The following FOXJ3 variants were observed in gnomAD, a reference collection of about 807,000 sequenced individuals.
FOXJ3 encodes the protein forkhead box J3.
A neutral mutation model predicts 76.1 loss-of-function variants in FOXJ3; 22 were observed. The ratio of observed to expected loss-of-function variants is 0.29; its 90% CI spans 0.21 to 0.41. The LOEUF (loss-of-function observed/expected upper bound fraction) is 0.41. Ranked by LOEUF, FOXJ3 falls within the 10% of genes least tolerant of loss-of-function variation. The pLI is 1.00. For missense variants in FOXJ3, 613 were observed against 762.1 expected, an observed-to-expected ratio of 0.80 and a Z score of 2.30; for synonymous variants, 269 against 261.2, an observed-to-expected ratio of 1.03 and a Z score of -0.29.
At chr1:42,314,591 A>G (rs1655001069) in intron 1 of FOXJ3, among the ~76,000 whole-genome samples, 1 of 152,156 alleles carries the variant, frequency 6.6e-6, no homozygotes, top group Admixed American at 6.5e-5. Flanking sequence ...AGGATTCTAC[A>G]AGGCAATGAT....
chr1:42,299,367 CT>C (rs34855114), intron 2 of FOXJ3, among the ~76,000 whole-genome samples: 62 of 144,810 alleles, frequency 4.3e-4, no homozygotes, highest in African/African-American at 8.4e-4. Flanking sequence ...TAATGCTCAT[CT>C]TTTTTTTTTT....
intron 5 of FOXJ3, among the ~76,000 whole-genome samples, chr1:42,209,454 A>G (rs1460216222): frequency 6.6e-6 from 1 of 152,226 alleles, no homozygotes; most frequent in Non-Finnish European, 1.5e-5. Flanking sequence ...ACCTTTTGAA[A>G]TAAGTGGCGG....
rs114594112 is a variant in FOXJ3 at position 42,191,322 on chromosome 1, T to C, written c.1332A>G (p.Gln444=). 1.3e-6 allele frequency: 2 copies of C among 1,545,250 alleles called. No individual in the cohort carries two copies. The highest frequency in any genetic ancestry group is 1.8e-6 in the Non-Finnish European group (2 of 1,140,874). Residue 444 remains glutamine (Q), a synonymous_variant, in exon 9 of 13, where the codon CAA becomes CAG. Coordinates refer to ENST00000361346, the MANE Select transcript of FOXJ3 (RefSeq NM_014947.5). ...TLTHQAPPPP[Q]QVSCNSGVSN... ...ACTTACCAGAATTACAGGATACCTG[T>C]TGTGGGGGTGGGGGTGCCTGATGTG... is the stretch of plus-strand genomic sequence containing the variant.
chr1:42,189,484 A>T (rs1452112001), intron 9 of FOXJ3, 80 bp from the exon 10 acceptor site: 1 of 977,360 alleles, frequency 1.0e-6, no homozygotes, highest in Non-Finnish European at 1.6e-6. Context: ...AGCTGCCCTT[A>T]TTCCTGAAAT....
intron 3 of FOXJ3, among the ~76,000 whole-genome samples, chr1:42,275,647 GA>G (rs886675040): frequency 5.3e-5 from 8 of 152,048 alleles, no homozygotes; most frequent in Non-Finnish European, 1.0e-4. Context: ...GGCTGACAGA[GA>G]AAACAAGACT....
intron 4 of FOXJ3, among the ~76,000 whole-genome samples, chr1:42,253,615 GAT>G (rs1650302635): frequency 6.6e-6 from 1 of 151,886 alleles, no homozygotes; most frequent in South Asian, 2.1e-4. Context: ...CCAAAACAGA[GAT>G]ATAGATCAAT....
chr1:42,224,756 T>G (rs1338761796), intron 5 of FOXJ3, among the ~76,000 whole-genome samples: 1 of 152,170 alleles, frequency 6.6e-6, no homozygotes, highest in African/African-American at 2.4e-5. Context: ...ATGCTCTTGC[T>G]TGCATTTTTT....
intron 5 of FOXJ3, among the ~76,000 whole-genome samples, chr1:42,208,351 G>T (rs1646899965): frequency 6.6e-6 from 1 of 152,148 alleles, no homozygotes; most frequent in South Asian, 2.1e-4. Context: ...GATCAAGTGG[G>T]ATTTATCCCT....
In FOXJ3 at chr1:42,185,889, C is replaced by T. The variant is rs184388480; in HGVS notation, c.1645+2848G>A. Among the ~76,000 whole-genome samples, 575 of 152,134 alleles carry T rather than the reference C, an allele frequency of 3.8e-3. 11 individuals are homozygous for T. Among genetic ancestry groups the T allele is most frequent in the African/African-American group, 0.013 (553 of 41,458 alleles). On this transcript the variant is annotated intron_variant, in intron 11 of 12. Coordinates refer to ENST00000361346, the MANE Select transcript of FOXJ3 (RefSeq NM_014947.5). Reference sequence around the variant, plus strand: ...TACAGGAAGCTCATGGAGGTGTTTACCAAGCGGGTCCTTGAAGACAGGAAT... The same window carrying T: ...TACAGGAAGCTCATGGAGGTGTTTATCAAGCGGGTCCTTGAAGACAGGAAT...
chr1:42,334,424 G>C (rs1429893998), intron 1 of FOXJ3, among the ~76,000 whole-genome samples: 1 of 152,154 alleles, frequency 6.6e-6, no homozygotes, highest in African/African-American at 2.4e-5. Flanking sequence ...CTGGGAGGGG[G>C]GGCGGGAGAC....
intron 4 of FOXJ3, among the ~76,000 whole-genome samples, chr1:42,262,674 C>G (rs1226502245): frequency 6.6e-6 from 1 of 152,054 alleles, no homozygotes; most frequent in African/African-American, 2.4e-5. Context: ...GATGGTGAAA[C>G]CCCATCTCTA....
chr1:42,295,688 C>CT (rs1306620608), intron 2 of FOXJ3, among the ~76,000 whole-genome samples: 4 of 151,960 alleles, frequency 2.6e-5, no homozygotes, highest in African/African-American at 9.7e-5. Flanking sequence ...ACCACCTTGT[C>CT]TGAGTGATTT....
In FOXJ3 at chr1:42,179,638, G is replaced by T; in HGVS notation, c.*72C>A. On this transcript the variant is annotated 3_prime_UTR_variant, in exon 13 of 13. Coordinates refer to ENST00000361346, the MANE Select transcript of FOXJ3 (RefSeq NM_014947.5). ...ATTAGCAAGTTTGTTTTCTCAACTG[G>T]ATTCTCTTAAACCTTTCCCTTCACT... is the stretch of plus-strand genomic sequence containing the variant. The T allele has an allele frequency of 3.4e-6, 3 of 888,338 alleles. No homozygotes were observed. The allele number at this position is 888,338 out of a possible 1,614,324, so 55.0% of individuals were successfully genotyped here.
intron 4 of FOXJ3, among the ~76,000 whole-genome samples, chr1:42,251,867 C>A (rs1028988860): frequency 5.3e-5 from 8 of 151,702 alleles, no homozygotes; most frequent in Non-Finnish European, 1.0e-4. Context: ...TACAGGCGCG[C>A]GCCACCATGC....
At chr1:42,229,747 A>C (rs1647908949) in intron 4 of FOXJ3, among the ~76,000 whole-genome samples, 1 of 152,232 alleles carries the variant, frequency 6.6e-6, no homozygotes, top group Non-Finnish European at 1.5e-5. Context: ...GATTTTGGGA[A>C]TAGGTTTGGC....
At chr1:42,314,595 C>A (rs1322577344) in intron 1 of FOXJ3, among the ~76,000 whole-genome samples, 1 of 152,156 alleles carries the variant, frequency 6.6e-6, no homozygotes, top group Non-Finnish European at 1.5e-5. Flanking sequence ...TTCTACAAGG[C>A]AATGATCTGA....
intron 1 of FOXJ3, among the ~76,000 whole-genome samples, chr1:42,331,062 T>C (rs938034994): frequency 6.6e-6 from 1 of 152,032 alleles, no homozygotes; most frequent in Non-Finnish European, 1.5e-5. Context: ...GAAGATTCAA[T>C]GAAAATGGGG....
At chr1:42,217,855 T>TAA (rs1459012767) in intron 5 of FOXJ3, among the ~76,000 whole-genome samples, 1 of 152,204 alleles carries the variant, frequency 6.6e-6, no homozygotes, top group African/African-American at 2.4e-5. Flanking sequence ...AATACGCAGT[T>TAA]AACTGTACAA....
At chr1:42,230,745 C>T (rs1648017605) in intron 4 of FOXJ3, among the ~76,000 whole-genome samples, 1 of 151,852 alleles carries the variant, frequency 6.6e-6, no homozygotes, top group South Asian at 2.1e-4. Context: ...AACTCTTATG[C>T]ACTACTGATA....
Sources: gnomAD v4.1 joint callset for allele counts (sites outside exome capture counted in the v4.1 genomes callset) on GRCh38, gnomAD v4.1.1 for gene constraint, MANE v1.5 for transcripts, NCBI Gene and HGNC (gene_info 2026-07-23, HGNC 2026-07-21) for gene names.